Variants in DYNC2I1 observed in about 807,000 individuals in gnomAD.
DYNC2I1 encodes the protein dynein 2 intermediate chain 1.
In DYNC2I1, 89 loss-of-function variants were observed where a neutral mutation model predicts 133.4. That is an observed-to-expected ratio of 0.67 (90% CI 0.56 to 0.80). The LOEUF (loss-of-function observed/expected upper bound fraction) is 0.80, where lower values mean the gene tolerates loss of function less well. Ranked by LOEUF, DYNC2I1 falls within the 30% of genes least tolerant of loss-of-function variation. The pLI, the probability that DYNC2I1 is intolerant of heterozygous loss-of-function variation, is 0.00. For missense variants in DYNC2I1, 1,291 were observed against 1,314.5 expected (o/e 0.98, Z 0.28); for synonymous variants, 504 against 484.3 (o/e 1.04, Z -0.54).
In DYNC2I1 at chr7:158,911,594, C is replaced by G. The variant is rs776188298; in HGVS notation, c.1505C>G (p.Ser502Ter). Residue 502 changes from serine to a stop codon, truncating the protein, a stop_gained, in exon 12 of 25, where the codon TCA (serine) becomes TGA (stop). Transcript: ENST00000407559. LOFTEE classifies it high-confidence loss of function. ...CTTCGGCTCATTGACTTAGATTTTT[C>G]ATTTACTTTCTCTCTCTTGGATCTA... ...KLLRLIDLDF[S>*]FTFSLLDLPP... is the part of the protein sequence containing the mutation. 1 of 1,613,512 alleles carries G rather than the reference C, an allele frequency of 6.2e-7. No individual in the cohort carries two copies. The highest frequency in any genetic ancestry group is 2.2e-5 in the East Asian group (1 of 44,852).
At chr7:158,952,254 T>A (rs1243157676) in intron 4 of DYNC2I1, among the ~76,000 whole-genome samples, 2 of 152,172 alleles carry the variant, frequency 1.3e-5, no homozygotes, top group Non-Finnish European at 2.9e-5. Context: ...CCTCCCACCT[T>A]CTGTCCAGAG....
intron 8 of DYNC2I1, among the ~76,000 whole-genome samples, chr7:158,893,495 C>T (rs974425446): frequency 6.6e-6 from 1 of 152,176 alleles, no homozygotes; most frequent in Non-Finnish European, 1.5e-5. Context: ...TGACACAAAA[C>T]CTATTTTGTA....
At chr7:158,848,066 G>A in the DYNC2I1 span, among the ~76,000 whole-genome samples, 1 of 152,184 alleles carries the variant, frequency 6.6e-6, no homozygotes, top group Non-Finnish European at 1.5e-5. Flanking sequence ...AGCATGATTG[G>A]GTTGATGTAG....
At chr7:158,860,387 C>T (rs528860393) in intron 1 of DYNC2I1, among the ~76,000 whole-genome samples, 1 of 152,280 alleles carries the variant, frequency 6.6e-6, no homozygotes, top group South Asian at 2.1e-4. Context: ...ATACACCAAG[C>T]ATTTCTTTCA....
At chr7:158,914,989 A>G (rs907888233) in intron 14 of DYNC2I1, among the ~76,000 whole-genome samples, 4 of 152,256 alleles carry the variant, frequency 2.6e-5, no homozygotes, top group African/African-American at 4.8e-5. Flanking sequence ...ACTTTCTTGT[A>G]TGTAAGCTCA....
At chr7:158,873,669 C>T (rs1584984501) in intron 3 of DYNC2I1, among the ~76,000 whole-genome samples, 3 of 152,082 alleles carry the variant, frequency 2.0e-5, no homozygotes, top group African/African-American at 7.2e-5. Flanking sequence ...CCCTGTCGCC[C>T]AGGTTGTAGT....
At chr7:158,896,901 A>G (rs1268033675) in intron 8 of DYNC2I1, among the ~76,000 whole-genome samples, 1 of 146,678 alleles carries the variant, frequency 6.8e-6, no homozygotes, top group Non-Finnish European at 1.5e-5. Context: ...CTTTGTCTGG[A>G]TCATGCTGGC....
intron 1 of DYNC2I1, among the ~76,000 whole-genome samples, chr7:158,862,212 AGAGAC>A (rs1474941023): frequency 2.0e-5 from 3 of 152,224 alleles, no homozygotes; most frequent in Non-Finnish European, 4.4e-5. Context: ...AATTAATTAT[AGAGAC>A]TATCAGGGCC....
At chr7:158,905,323 T>C (rs56888000) in intron 10 of DYNC2I1, 1 of 308,832 alleles carries the variant, frequency 3.2e-6, no homozygotes, top group African/African-American at 2.2e-5. Context: ...GTATTTTTAG[T>C]AGAGACGGGG....
chr7:158,841,206 TA>T, the DYNC2I1 span, among the ~76,000 whole-genome samples: 105 of 58,052 alleles, frequency 1.8e-3, 1 homozygote, highest in Admixed American at 4.3e-3. Flanking sequence ...TATATATATA[TA>T]TATATATATA....
chr7:158,905,548 A>G (rs994513863), intron 10 of DYNC2I1, among the ~76,000 whole-genome samples: 12 of 152,340 alleles, frequency 7.9e-5, no homozygotes, highest in Non-Finnish European at 1.8e-4. Flanking sequence ...TCATGCCTTC[A>G]TTCTCTTTTG....
the DYNC2I1 span, among the ~76,000 whole-genome samples, chr7:158,840,428 A>G: frequency 5.3e-4 from 81 of 152,098 alleles, no homozygotes; most frequent in African/African-American, 1.9e-3. Context: ...TTAGCTGGCC[A>G]TGGTGGTGGG....
downstream of DYNC2I1, among the ~76,000 whole-genome samples, chr7:158,947,610 T>C (rs538799899): frequency 6.2e-4 from 94 of 152,306 alleles, no homozygotes; most frequent in African/African-American, 2.2e-3. Flanking sequence ...TCCTGAGTTA[T>C]GTGCCCGGTC....
At chr7:158,906,247 T>C (rs1009813372) in intron 11 of DYNC2I1, among the ~76,000 whole-genome samples, 156 bp downstream of exon 11, 6 of 152,330 alleles carry the variant, frequency 3.9e-5, no homozygotes, top group South Asian at 2.1e-4. Context: ...TGAGATCTTA[T>C]GTTAGTAGAG....
rs374765133 is a variant in DYNC2I1, at chr7:158,871,461, G to A, written c.389G>A (p.Arg130Gln). 312 of 1,549,886 alleles carry A rather than the reference G, an allele frequency of 2.0e-4. 1 individual carries two copies. Among genetic ancestry groups the A allele is most frequent in the Admixed American group, 3.1e-4 (16 of 50,994 alleles). Reference sequence around the variant, plus strand: ...GAAAAAGAAAAAGACAGAAGGGCCCGGAAGGAAGAGCTCCGGCAGACCGTG... The same window carrying A: ...GAAAAAGAAAAAGACAGAAGGGCCCAGAAGGAAGAGCTCCGGCAGACCGTG... ...DREKEKDRRARKEELRQTVAH... is the reference protein window; with the variant it reads ...DREKEKDRRAQKEELRQTVAH... The change falls in exon 3 of 25, where the codon CGG becomes CAG. Residue 130 changes from arginine (R) to glutamine (Q), a missense_variant. Physicochemically the swap from Arg to Gln is conservative, Grantham distance 43 (BLOSUM62 1). Coordinates refer to ENST00000407559, the MANE Select transcript of DYNC2I1 (RefSeq NM_018051.5).
At chr7:158,896,948 T>A (rs1378078818) in intron 8 of DYNC2I1, among the ~76,000 whole-genome samples, 1 of 151,774 alleles carries the variant, frequency 6.6e-6, no homozygotes, top group African/African-American at 2.4e-5. Flanking sequence ...TTTCTGCCTC[T>A]GTGCCCTGGA....
chr7:158,956,384 A>T (rs1852200637), intron 4 of DYNC2I1, among the ~76,000 whole-genome samples: 7 of 152,172 alleles, frequency 4.6e-5, no homozygotes, highest in Admixed American at 4.6e-4. Context: ...CCACCTCTGG[A>T]AGGCTGCTGG....
intron 1 of DYNC2I1, among the ~76,000 whole-genome samples, chr7:158,865,094 C>A (rs1010265841): frequency 1.3e-5 from 2 of 152,196 alleles, no homozygotes; most frequent in Non-Finnish European, 2.9e-5. Context: ...GGGGGTCGGA[C>A]AAGATGGCAC....
At chr7:158,890,446 T>G (rs1447862323) in intron 7 of DYNC2I1, among the ~76,000 whole-genome samples, 1 of 152,188 alleles carries the variant, frequency 6.6e-6, no homozygotes, top group Non-Finnish European at 1.5e-5. Flanking sequence ...ACACTGAATT[T>G]ATCTTGGTTC....
Sources: allele counts gnomAD v4.1 joint callset (sites outside exome capture counted in the v4.1 genomes callset), GRCh38; gene constraint gnomAD v4.1.1; transcripts MANE v1.5; gene names NCBI Gene and HGNC (gene_info 2026-07-23, HGNC 2026-07-21).